Variants in CUX1 observed in about 807,000 individuals in gnomAD.
CUX1 encodes cut like homeobox 1.
A neutral mutation model predicts 158.8 loss-of-function variants in CUX1; 31 were observed. The observed-to-expected ratio is 0.20, with a 90% confidence interval of 0.15 to 0.26. The LOEUF (loss-of-function observed/expected upper bound fraction) is 0.26, where lower values mean the gene tolerates loss of function less well. Among genes scored for constraint, CUX1 ranks in the 10% least tolerant of loss-of-function variants. The pLI is 1.00. For missense variants in CUX1, 1,589 were observed against 2,014.6 expected (o/e 0.79, Z 4.04); for synonymous variants, 879 against 862.1 (o/e 1.02, Z -0.34).
At chr7:101,837,254 G>A (rs982290812) in intron 1 of CUX1, among the ~76,000 whole-genome samples, 4 of 152,118 alleles carry the variant, frequency 2.6e-5, no homozygotes, top group Non-Finnish European at 4.4e-5. Context: ...CCCTCAATAC[G>A]TTAGATCCCA....
Position 102,250,403 on chromosome 7 carries a change from TGAGC to T in CUX1, c.*1362_*1365del. The T allele has an allele frequency of 1.0e-6, 1 of 985,444 alleles. No homozygotes were observed. The highest frequency in any genetic ancestry group is 6.1e-5 in the Admixed American group (1 of 16,274). 61.0% of individuals were successfully genotyped at this position (985,444 alleles called of 1,614,324 possible). A position where few individuals can be genotyped will look rare whatever the true frequency, so the allele number is the denominator to read the frequency against. On this transcript the variant is annotated 3_prime_UTR_variant, in exon 24 of 24. Transcript: ENST00000292535. ...CCACTCTCCTGGATACCTGATGAACTGAGCCCTCCCAGGGGAAGACACTCCCCAG... is the reference window on the plus strand; with the variant it reads ...CCACTCTCCTGGATACCTGATGAACTCCTCCCAGGGGAAGACACTCCCCAG...
At chr7:101,849,794 C>T (rs912121523) in intron 1 of CUX1, among the ~76,000 whole-genome samples, 4 of 152,140 alleles carry the variant, frequency 2.6e-5, no homozygotes, top group Non-Finnish European at 5.9e-5. Context: ...TACACTCCCA[C>T]CAACCGTGTA....
At chr7:102,059,518 G>C (rs1240728094) in intron 3 of CUX1, among the ~76,000 whole-genome samples, 1 of 151,676 alleles carries the variant, frequency 6.6e-6, no homozygotes, top group African/African-American at 2.4e-5. Flanking sequence ...TGTAGTCCCA[G>C]CTACTCGGGA....
At position 102,227,474 on chromosome 7, in the gene CUX1, C is replaced by T; in HGVS notation, c.3238C>T (p.Pro1080Ser). The change falls in exon 21 of 24, where the codon CCC becomes TCC. Residue 1080 changes from proline to serine, a missense_variant. This residue lies in a region of CUX1 where 259 missense variants were observed against 373.8 expected (regional missense o/e 0.69). Transcript: ENST00000292535. ...LTELVQQPCPPIEASKDSKPP... is the reference protein window; with the variant it reads ...LTELVQQPCPSIEASKDSKPP... ...CGAGCTGGTCCAGCAGCCCTGTCCC[C>T]CCATCGAGGCGAGCAAGGACAGCAA... The T allele has an allele frequency of 6.2e-7, 1 of 1,614,100 alleles. No individual in the cohort carries two copies. The highest frequency in any genetic ancestry group is 8.5e-7 in the Non-Finnish European group (1 of 1,180,030).
At chr7:101,921,143 C>G (rs540528439) in intron 2 of CUX1, among the ~76,000 whole-genome samples, 1 of 152,296 alleles carries the variant, frequency 6.6e-6, no homozygotes, top group East Asian at 1.9e-4. Flanking sequence ...GTATTTCTTA[C>G]TTAAGGCGAC....
chr7:102,011,231 T>G (rs1019007461), intron 2 of CUX1, among the ~76,000 whole-genome samples: 1 of 152,150 alleles, frequency 6.6e-6, no homozygotes, highest in African/African-American at 2.4e-5. Context: ...GGTGTGAGTC[T>G]TGAAGCATTC....
chr7:102,048,212 T>C (rs1317993161), intron 3 of CUX1, among the ~76,000 whole-genome samples: 1 of 152,060 alleles, frequency 6.6e-6, no homozygotes. Context: ...CAGCCTCTCC[T>C]CCCCTCCACC....
intron 2 of CUX1, among the ~76,000 whole-genome samples, chr7:102,001,255 C>G (rs1158103525): frequency 6.6e-6 from 1 of 152,146 alleles, no homozygotes; most frequent in Non-Finnish European, 1.5e-5. Flanking sequence ...CCCAGTTAGC[C>G]CAGGCTGACT....
intron 3 of CUX1, among the ~76,000 whole-genome samples, chr7:102,045,895 G>A (rs190501333): frequency 1.1e-4 from 17 of 152,304 alleles, no homozygotes; most frequent in African/African-American, 4.1e-4. Context: ...ACCCAGCTGC[G>A]TACATGGCTC....
intron 11 of CUX1, among the ~76,000 whole-genome samples, chr7:102,187,353 A>G (rs1366973826): frequency 6.6e-6 from 1 of 152,042 alleles, no homozygotes; most frequent in Non-Finnish European, 1.5e-5. Flanking sequence ...AAAAAAAAAA[A>G]CAAAGAGTCC....
intron 1 of CUX1, among the ~76,000 whole-genome samples, chr7:101,831,932 T>TAG (rs56742964): frequency 7.9e-5 from 12 of 151,540 alleles, no homozygotes; most frequent in African/African-American, 7.3e-5. Flanking sequence ...TTTGTAGAGA[T>TAG]GGGGGGGTCT....
chr7:101,956,009 C>T (rs1331162211), intron 2 of CUX1, among the ~76,000 whole-genome samples: 2 of 151,866 alleles, frequency 1.3e-5, no homozygotes, highest in Admixed American at 1.3e-4. Context: ...GGTGAAACCC[C>T]GTCTCTACTA....
intron 6 of CUX1, among the ~76,000 whole-genome samples, chr7:102,108,695 C>G (rs1179532201): frequency 1.3e-5 from 2 of 151,034 alleles, no homozygotes; most frequent in African/African-American, 2.5e-5. Flanking sequence ...ATAACTGATT[C>G]TTAGAGGGAA....
intron 20 of CUX1, among the ~76,000 whole-genome samples, chr7:102,217,375 C>T (rs1176247676): frequency 6.6e-6 from 1 of 152,286 alleles, no homozygotes. Flanking sequence ...GGCAGGTCCC[C>T]TCCCCGCCCG....
intron 1 of CUX1, among the ~76,000 whole-genome samples, chr7:101,845,677 T>C (rs1422535298): frequency 1.3e-5 from 2 of 152,170 alleles, no homozygotes; most frequent in East Asian, 1.9e-4. Context: ...CTAGGCAAAG[T>C]GATTCATGAA....
In CUX1 at chr7:101,872,029, AAAAAG is replaced by A. The variant is rs970246678; in HGVS notation, c.31-44077_31-44073del. 1.1e-4 allele frequency among the ~76,000 whole-genome samples: 16 copies of A among 152,236 alleles called. No individual in the cohort carries two copies. In the Middle Eastern group the frequency reaches 0.014, roughly 129 times the overall value. ...CGAGACTCCATCCCCCCAAAAAAAA[AAAAAG>A]AAAAGAAAGTTGTGTGCAGCGTGAT... is the stretch of plus-strand genomic sequence containing the variant. On this transcript the variant is annotated intron_variant, in intron 1 of 23. Transcript: ENST00000292535.
intron 23 of CUX1, 48 bp downstream of exon 23, chr7:102,239,632 G>A (rs1346941142): frequency 1.3e-6 from 2 of 1,583,130 alleles, no homozygotes; most frequent in African/African-American, 2.7e-5. Context: ...AGGGGAAGGG[G>A]CTGATCTGTC....
intron 8 of CUX1, among the ~76,000 whole-genome samples, chr7:102,121,131 A>C (rs1328914359): frequency 6.6e-6 from 1 of 152,150 alleles, no homozygotes; most frequent in African/African-American, 2.4e-5. Context: ...ACAAGTCTGC[A>C]TGGCAAATGT....
At chr7:102,192,958 C>G (rs6967143) in intron 12 of CUX1, among the ~76,000 whole-genome samples, 1,896 of 152,304 alleles carry the variant, frequency 0.012, 32 homozygotes, top group African/African-American at 0.043. Context: ...GCCCAGAGAC[C>G]GTAGTGATCA....
Sources: allele counts gnomAD v4.1 joint callset (sites outside exome capture counted in the v4.1 genomes callset), GRCh38; gene constraint gnomAD v4.1.1; regional missense constraint gnomAD v4.1.1; transcripts MANE v1.5; gene names NCBI Gene and HGNC (gene_info 2026-07-23, HGNC 2026-07-21).